COL4A3: variants seen among roughly 807,000 people sequenced by gnomAD.
COL4A3 encodes collagen type IV alpha 3 chain.
A neutral mutation model predicts 217.4 loss-of-function variants in COL4A3; 135 were observed. That is an observed-to-expected ratio of 0.62 (90% CI 0.54 to 0.72). COL4A3 has a LOEUF of 0.72. COL4A3 is among the 30% of genes least tolerant of loss of function. COL4A3 has a pLI of 0.00. For missense variants in COL4A3, 1,868 were observed against 2,119.9 expected (o/e 0.88, Z 2.33); for synonymous variants, 690 against 736.3 (o/e 0.94, Z 1.02).
chr2:227,254,083 G>A (rs2125934247), intron 13 of COL4A3, 29 bp from the exon 14 acceptor site: 3 of 1,598,974 alleles, frequency 1.9e-6, no homozygotes, highest in East Asian at 4.5e-5. Context: ...TCATCCATTT[G>A]TAACAATGTT....
In COL4A3 at chr2:227,297,819, G is replaced by C; in HGVS notation, c.3711G>C (p.Gln1237His). 6.4e-7 allele frequency: 1 copy of C among 1,567,704 alleles called. No individual in the cohort carries two copies. Among genetic ancestry groups the C allele is most frequent in the Middle Eastern group, 1.7e-4 (1 of 6,004 alleles). Residue 1237 changes from glutamine (Q) to histidine (H), a missense_variant, in exon 42 of 52, where the codon CAG becomes CAC. Gln to His is a conservative substitution (Grantham distance 24, BLOSUM62 0). Around this residue, in one of 2 missense-constraint regions of COL4A3, gnomAD observed 1,503 missense variants for 1,786.1 expected, o/e 0.84. Coordinates refer to ENST00000396578, the MANE Select transcript of COL4A3 (RefSeq NM_000091.5). ...PGLPGAIIPG[Q>H]TGNRGPPGSR... ...TGCCCGGTGCAATTATCCCTGGCCA[G>C]ACAGGAAATCGTGGTCCACCAGGCT...
rs781481301 is a variant in COL4A3, at chr2:227,290,727, T to C, written c.3071-20T>C. ...CCTCATGTTTATCTATTTTACTCTA[T>C]GTTTTCCCCCTAATTTCAGGTTCTA... is the stretch of plus-strand genomic sequence containing the variant. On this transcript the variant is annotated intron_variant, in intron 36 of 51. Transcript: ENST00000396578. 1.8e-5 allele frequency: 29 copies of C among 1,611,684 alleles called. No individual in the cohort carries two copies. The South Asian group carries it at 2.9e-4, about 16-fold the overall frequency.
intron 1 of COL4A3, among the ~76,000 whole-genome samples, chr2:227,228,146 T>C (rs2068200289): frequency 6.6e-6 from 1 of 151,878 alleles, no homozygotes. Flanking sequence ...TGGACGGGAG[T>C]TGAGGGATAG....
rs535302496 is a variant in COL4A3, at chr2:227,191,417, T to C, written c.87+26604T>C. 2.0e-5 allele frequency among the ~76,000 whole-genome samples: 3 copies of C among 152,292 alleles called. No homozygotes were observed. Among genetic ancestry groups the C allele is most frequent in the South Asian group, 2.1e-4 (1 of 4,820 alleles). On this transcript the variant is annotated intron_variant, in intron 1 of 51. Coordinates refer to ENST00000396578, the MANE Select transcript of COL4A3 (RefSeq NM_000091.5). This position sits in a 1 kb window ranked among gnomAD's most constrained non-coding sequence, Gnocchi z 6.8. ...GGGCAGGAAGAACAATAAAGAAAGC[T>C]AAGAAGTGTTTTGAAAAGCAGTTCA...
At chr2:227,172,605 T>TC (rs2065528675) in intron 1 of COL4A3, among the ~76,000 whole-genome samples, 1 of 122,890 alleles carries the variant, frequency 8.1e-6, no homozygotes, top group Non-Finnish European at 1.7e-5. Context: ...TTTTTTTTTT[T>TC]AGATGGAGTC....
chr2:227,168,726 T>C lies in COL4A3; in HGVS notation c.87+3913T>C, dbSNP rs866077152. On this transcript the variant is annotated intron_variant, in intron 1 of 51. Transcript: ENST00000396578. ...GGATTATAGGAATGTTCTCCTACAT[T>C]TAAAAAAAGTTTCATAGTTTAGCTC... Among the ~76,000 whole-genome samples the C allele has an allele frequency of 1.8e-4, 27 of 152,240 alleles. 1 individual carries two copies. Among genetic ancestry groups the C allele is most frequent in the Middle Eastern group, 3.4e-3 (1 of 294 alleles).
intron 1 of COL4A3, among the ~76,000 whole-genome samples, chr2:227,179,761 C>T (rs2065809944): frequency 6.6e-6 from 1 of 152,210 alleles, no homozygotes; most frequent in African/African-American, 2.4e-5. Flanking sequence ...GTGGTCCCTT[C>T]TGTCCTCATG....
chr2:227,308,949 T>G lies in COL4A3; in HGVS notation c.4513T>G (p.Cys1505Gly). Reference protein sequence around the residue: ...QRFTTMPFLFCNVNDVCNFAS... With the variant: ...QRFTTMPFLFGNVNDVCNFAS... The stretch of plus-strand genomic sequence containing the variant: ...ATTTACCACAATGCCATTCTTATTC[T>G]GCAATGTCAATGATGTATGTAATTT... Residue 1505 changes from cysteine to glycine, a missense_variant, in exon 49 of 52, where the codon TGC (cysteine) becomes GGC (glycine). By Grantham distance (159) the Cys-to-Gly change is radical (BLOSUM62 -3). Around this residue, in one of 2 missense-constraint regions of COL4A3, gnomAD observed 1,503 missense variants for 1,786.1 expected, o/e 0.84. Transcript: ENST00000396578. The G allele has an allele frequency of 6.2e-7, 1 of 1,614,216 alleles. No individual in the cohort carries two copies. The highest frequency in any genetic ancestry group is 2.2e-5 in the East Asian group (1 of 44,890).
intron 1 of COL4A3, among the ~76,000 whole-genome samples, chr2:227,169,047 C>G (rs986536778): frequency 4.0e-5 from 6 of 149,108 alleles, no homozygotes; most frequent in African/African-American, 9.9e-5. Flanking sequence ...CGCCTCCCCC[C>G]ACCCCACAAC....
Position 227,259,451 on chromosome 2 carries a change from T to C in COL4A3, c.1030-342T>C, listed in dbSNP as rs559447991. ...ATATGTTGTAATAATAAGTCATTAT[T>C]TTGTGAAACTTTAATTTTTCTATAC... On this transcript the variant is annotated intron_variant, in intron 18 of 51. Transcript: ENST00000396578. Among the ~76,000 whole-genome samples the C allele has an allele frequency of 2.0e-5, 3 of 152,348 alleles. No homozygotes were observed. The East Asian group carries it at 5.8e-4, about 29-fold the overall frequency.
chr2:227,278,540 T>G (rs2071732372), intron 28 of COL4A3, among the ~76,000 whole-genome samples: 1 of 152,228 alleles, frequency 6.6e-6, no homozygotes, highest in Non-Finnish European at 1.5e-5. Flanking sequence ...AATTTATGAG[T>G]ATTTGAAATG....
intron 9 of COL4A3, among the ~76,000 whole-genome samples, chr2:227,249,167 A>T (rs2069544566): frequency 7.3e-6 from 1 of 136,202 alleles, no homozygotes; most frequent in South Asian, 2.5e-4. Context: ...CTAAACCACA[A>T]GTGCTAACTT....
chr2:227,300,690 T>A (rs1277039854), intron 43 of COL4A3, among the ~76,000 whole-genome samples: 2 of 151,590 alleles, frequency 1.3e-5, no homozygotes, highest in East Asian at 3.9e-4. Context: ...CACAATAAAG[T>A]GAGGGTGATA....
At chr2:227,178,905 C>T (rs1019041471) in intron 1 of COL4A3, among the ~76,000 whole-genome samples, 4 of 151,742 alleles carry the variant, frequency 2.6e-5, no homozygotes, top group East Asian at 1.9e-4. Context: ...TTGGGATTTC[C>T]GGTTATAAGG....
At chr2:227,215,012 T>C (rs759827833) in intron 1 of COL4A3, among the ~76,000 whole-genome samples, 1 of 152,216 alleles carries the variant, frequency 6.6e-6, no homozygotes, top group Admixed American at 6.5e-5. Context: ...TACTGGATAC[T>C]TTTTGGTTTG....
chr2:227,179,902 T>C (rs999707618), intron 1 of COL4A3, among the ~76,000 whole-genome samples: 1 of 152,144 alleles, frequency 6.6e-6, no homozygotes, highest in Non-Finnish European at 1.5e-5. Context: ...GATTGATAAA[T>C]GTACTGAACA....
At chr2:227,255,278 C>T (rs1297960131) in intron 15 of COL4A3, among the ~76,000 whole-genome samples, 1 of 152,056 alleles carries the variant, frequency 6.6e-6, no homozygotes, top group Non-Finnish European at 1.5e-5. Context: ...AGAGCAGCCC[C>T]CACAAAGGAA....
intron 18 of COL4A3, among the ~76,000 whole-genome samples, chr2:227,258,316 G>T (rs1019725493): frequency 6.6e-6 from 1 of 152,190 alleles, no homozygotes; most frequent in African/African-American, 2.4e-5. Context: ...ATGAGGGGAA[G>T]GGGTGTCCTG....
chr2:227,244,054 A>C (rs1035362950), intron 3 of COL4A3, among the ~76,000 whole-genome samples: 6 of 152,174 alleles, frequency 3.9e-5, no homozygotes, highest in Admixed American at 1.3e-4. Flanking sequence ...AAGATTCTAC[A>C]TTTCTGATAA....
Sources: allele counts gnomAD v4.1 joint callset (sites outside exome capture counted in the v4.1 genomes callset), GRCh38; gene constraint gnomAD v4.1.1; regional missense constraint gnomAD v4.1.1; non-coding constraint Gnocchi (gnomAD v3.1); transcripts MANE v1.5; gene names NCBI Gene and HGNC (gene_info 2026-07-23, HGNC 2026-07-21).